The following IRF2 variants were observed in gnomAD, a reference collection of about 807,000 sequenced individuals.
IRF2 encodes interferon regulatory factor 2.
In IRF2, 15 loss-of-function variants were observed where a neutral mutation model predicts 40.6. That is an observed-to-expected ratio of 0.37 (90% CI 0.25 to 0.57). The LOEUF (loss-of-function observed/expected upper bound fraction) is 0.57. Among genes scored for constraint, IRF2 ranks in the 20% least tolerant of loss-of-function variants. IRF2 has a pLI of 0.77. For missense variants in IRF2, 317 were observed against 455.7 expected (o/e 0.70, Z 2.77); for synonymous variants, 151 against 165.5 (o/e 0.91, Z 0.67).
intron 1 of IRF2, among the ~76,000 whole-genome samples, chr4:184,443,453 T>C (rs1279766523): frequency 1.3e-5 from 2 of 152,190 alleles, no homozygotes; most frequent in African/African-American, 4.8e-5. Context: ...GTCTTATAAG[T>C]GAGAACATGT....
chr4:184,470,584 G>A (rs374531737), intron 1 of IRF2, among the ~76,000 whole-genome samples: 5 of 151,862 alleles, frequency 3.3e-5, no homozygotes, highest in South Asian at 4.2e-4. Context: ...CCAACTACTC[G>A]GGAAGCTGAA....
chr4:184,428,558 G>A (rs984151826), intron 2 of IRF2: 110 of 370,532 alleles, frequency 3.0e-4, no homozygotes, highest in African/African-American at 2.1e-3. Flanking sequence ...CACACTTTGG[G>A]AGGCTGAGGT....
rs1415597326 is a variant in IRF2 at position 184,448,483 on chromosome 4, G to A, written c.-6-19413C>T. Among the ~76,000 whole-genome samples, 1 of 152,188 alleles carries A rather than the reference G, an allele frequency of 6.6e-6. No homozygotes were observed. The highest frequency in any genetic ancestry group is 1.5e-5 in the Non-Finnish European group (1 of 68,024). ...CAGTTGTGTAGAAGAGGAGAAATAA[G>A]ACGGCCAAAGAGCTCTCGTGCGTAT... On this transcript the variant is annotated intron_variant, in intron 1 of 8. Transcript: ENST00000393593. This position sits in a 1 kb window ranked among gnomAD's most constrained non-coding sequence, Gnocchi z 4.3.
chr4:184,474,511 T>C lies in IRF2; in HGVS notation c.-139A>G, dbSNP rs1199427298. 1.3e-5 allele frequency: 2 copies of C among 152,412 alleles called. No individual in the cohort carries two copies. The highest frequency in any genetic ancestry group is 2.9e-5 in the Non-Finnish European group (2 of 68,182). The allele number at this position is 152,412 out of a possible 1,614,324, so 9.4% of individuals were successfully genotyped here. On this transcript the variant is annotated 5_prime_UTR_variant, in exon 1 of 9. Coordinates refer to ENST00000393593, the MANE Select transcript of IRF2 (RefSeq NM_002199.4). The surrounding 1 kb of genome is among the most constrained non-coding windows in gnomAD (Gnocchi z 5.6). ...CAAAACTAAAAGTTACTCCCCGGCT[T>C]GCCTGAGAACAGTCCAGATCGAAAG...
intron 7 of IRF2, among the ~76,000 whole-genome samples, chr4:184,398,662 A>T (rs144726693): frequency 0.073 from 10,987 of 150,830 alleles, 458 homozygotes; most frequent in Middle Eastern, 0.18. Context: ...TCTCAAAAAA[A>T]AAAAAAATAA....
chr4:184,464,214 G>C (rs1739244487), intron 1 of IRF2, among the ~76,000 whole-genome samples: 1 of 152,016 alleles, frequency 6.6e-6, no homozygotes, highest in Non-Finnish European at 1.5e-5. Context: ...ATGAAGATGG[G>C]GACTATATAG....
At chr4:184,392,839 C>T (rs997026478) in intron 7 of IRF2, among the ~76,000 whole-genome samples, 2 of 152,124 alleles carry the variant, frequency 1.3e-5, no homozygotes, top group African/African-American at 2.4e-5. Flanking sequence ...CCTGAGTGAT[C>T]GCGGTGGGCT....
At position 184,437,648 on chromosome 4, in the gene IRF2, A is replaced by C. The variant is rs1029059701; in HGVS notation, c.-6-8578T>G. Among the ~76,000 whole-genome samples the C allele has an allele frequency of 3.3e-5, 5 of 152,326 alleles. No individual in the cohort carries two copies. The East Asian group carries it at 9.6e-4, about 29-fold the overall frequency. Reference sequence around the variant, plus strand: ...AGGACTTGAACCTCAGGAGGGTCTCAGATGCCCAGCTAGAGTCTGAGCTTG... The same window carrying C: ...AGGACTTGAACCTCAGGAGGGTCTCCGATGCCCAGCTAGAGTCTGAGCTTG... On this transcript the variant is annotated intron_variant, in intron 1 of 8. Transcript: ENST00000393593.
At chr4:184,445,829 C>G (rs1215656765) in intron 1 of IRF2, among the ~76,000 whole-genome samples, 1 of 152,088 alleles carries the variant, frequency 6.6e-6, no homozygotes, top group Non-Finnish European at 1.5e-5. Context: ...GAACAGTGGC[C>G]CCCCAACATT....
At chr4:184,418,380 T>A (rs1392926694) in intron 4 of IRF2, 152 bp downstream of exon 4, 2 of 966,338 alleles carry the variant, frequency 2.1e-6, no homozygotes, top group Non-Finnish European at 3.2e-6. Context: ...ATCGAAAGTC[T>A]TGTTTCCAAG....
At chr4:184,410,039 C>T (rs547723007) in intron 5 of IRF2, among the ~76,000 whole-genome samples, 5 of 152,272 alleles carry the variant, frequency 3.3e-5, no homozygotes, top group South Asian at 4.1e-4. Context: ...TCTGCCTTTC[C>T]GGACTTCGCC....
intron 1 of IRF2, among the ~76,000 whole-genome samples, chr4:184,450,291 T>C (rs888621191): frequency 1.3e-5 from 2 of 152,306 alleles, no homozygotes; most frequent in African/African-American, 2.4e-5. Context: ...TTTCAGAGCA[T>C]TTTGGATTGC....
rs1247859768 is a variant in IRF2 at position 184,459,066 on chromosome 4, T to C, written c.-7+15313A>G. 2.0e-5 allele frequency among the ~76,000 whole-genome samples: 3 copies of C among 152,168 alleles called. No homozygotes were observed. In the East Asian group the frequency reaches 5.8e-4, roughly 29 times the overall value. ...AATGTTACTCTGAGGCTGTTTTTAC[T>C]AATCTTTATCCTGAAATACCACAGA... On this transcript the variant is annotated intron_variant, in intron 1 of 8. Transcript: ENST00000393593.
intron 1 of IRF2, among the ~76,000 whole-genome samples, chr4:184,441,845 C>G (rs1021742689): frequency 2.0e-5 from 3 of 152,174 alleles, no homozygotes; most frequent in Non-Finnish European, 4.4e-5. Flanking sequence ...AACTGAGGCA[C>G]GTAAGGTTAA....
At chr4:184,468,307 C>T (rs951986595) in intron 1 of IRF2, among the ~76,000 whole-genome samples, 2 of 151,880 alleles carry the variant, frequency 1.3e-5, no homozygotes, top group African/African-American at 4.8e-5. Context: ...GCCAACATGG[C>T]GAAACCTCAT....
At chr4:184,455,520 TG>T (rs1462015526) in intron 1 of IRF2, among the ~76,000 whole-genome samples, 2 of 151,680 alleles carry the variant, frequency 1.3e-5, no homozygotes, top group South Asian at 2.1e-4. Context: ...TATAAAGTCC[TG>T]TGAGGAGGAG....
intron 1 of IRF2, among the ~76,000 whole-genome samples, chr4:184,433,895 T>C (rs1192766645): frequency 6.6e-6 from 1 of 152,198 alleles, no homozygotes; most frequent in Non-Finnish European, 1.5e-5. Context: ...CATCTTTACT[T>C]CTGTGAAAAA....
At chr4:184,466,274 CT>C (rs1408457729) in intron 1 of IRF2, among the ~76,000 whole-genome samples, 1 of 152,136 alleles carries the variant, frequency 6.6e-6, no homozygotes, top group East Asian at 1.9e-4. Flanking sequence ...TGATCTTGAA[CT>C]CCTGACCTCA....
chr4:184,438,507 AG>A (rs1352252585), intron 1 of IRF2, among the ~76,000 whole-genome samples: 1 of 152,170 alleles, frequency 6.6e-6, no homozygotes, highest in Non-Finnish European at 1.5e-5. Flanking sequence ...CTGGGGTTGA[AG>A]GGGTATAAAA....
Sources: gnomAD v4.1 joint callset for allele counts (sites outside exome capture counted in the v4.1 genomes callset) on GRCh38, gnomAD v4.1.1 for gene constraint, Gnocchi (gnomAD v3.1) non-coding constraint, MANE v1.5 for transcripts, NCBI Gene and HGNC (gene_info 2026-07-23, HGNC 2026-07-21) for gene names.